ADSS1: variants seen among roughly 807,000 people sequenced by gnomAD.
The protein encoded by ADSS1 is adenylosuccinate synthase 1.
Under a neutral mutation model 59.1 loss-of-function variants are expected in ADSS1, and 57 were observed. The observed-to-expected ratio is 0.97, with a 90% confidence interval of 0.78 to 1.20. The LOEUF is 1.20. Ranked by LOEUF, ADSS1 falls within the 50% of genes most tolerant of loss-of-function variation. The pLI is 0.00. For missense variants in ADSS1, 603 were observed against 610.3 expected, an observed-to-expected ratio of 0.99 and a Z score of 0.13; for synonymous variants, 247 against 249.4, an observed-to-expected ratio of 0.99 and a Z score of 0.09.
intron 8 of ADSS1, 132 bp downstream of exon 8, chr14:104,741,375 C>A (rs1891349423): frequency 1.6e-6 from 2 of 1,229,600 alleles, no homozygotes; most frequent in African/African-American, 1.5e-5. Context: ...GCCATCCATG[C>A]CCGCGGAAAT....
At position 104,734,916 on chromosome 14, in the gene ADSS1, C is replaced by T. The variant is rs1891060239; in HGVS notation, c.193-104C>T. On this transcript the variant is annotated intron_variant, in intron 1 of 12. Coordinates refer to ENST00000330877, the MANE Select transcript of ADSS1 (RefSeq NM_152328.5). ...CCAAACCAGACACCCCAAAATCCAACAGCAGTGCCCTGCAGGGACAGACGA... is the reference window on the plus strand; with the variant it reads ...CCAAACCAGACACCCCAAAATCCAATAGCAGTGCCCTGCAGGGACAGACGA... The T allele has an allele frequency of 4.2e-6, 4 of 950,960 alleles. No individual in the cohort carries two copies. The South Asian group carries it at 6.0e-5, about 14-fold the overall frequency. The allele number at this position is 950,960 out of a possible 1,614,324, so 58.9% of individuals were successfully genotyped here. A position where few individuals can be genotyped will look rare whatever the true frequency, so the allele number is the denominator to read the frequency against.
In ADSS1 at chr14:104,743,162, A is replaced by C. The variant is rs1185318564; in HGVS notation, c.1044A>C (p.Arg348Ser). The part of the protein sequence containing the change: ...RCGWLDLMIL[R>S]YAHMVNGFTA... The stretch of plus-strand genomic sequence containing the variant: ...GCTGGCTCGACCTGATGATTCTAAG[A>C]TATGCTCACATGGTCAACGGATTCA... The change falls in exon 10 of 13, where the codon AGA (arginine) becomes AGC (serine). Residue 348 changes from arginine (R) to serine (S), a missense_variant. Physicochemically the swap from Arg to Ser is moderately radical, Grantham distance 110. Transcript: ENST00000330877. The C allele has an allele frequency of 1.2e-6, 2 of 1,612,074 alleles. No homozygotes were observed. Among genetic ancestry groups the C allele is most frequent in the Non-Finnish European group, 1.7e-6 (2 of 1,179,978 alleles).
intron 1 of ADSS1, among the ~76,000 whole-genome samples, chr14:104,732,631 C>T (rs1277617092): frequency 6.6e-6 from 1 of 152,254 alleles, no homozygotes; most frequent in African/African-American, 2.4e-5. Flanking sequence ...CAGGGCGTTC[C>T]TGGGCCTGTT....
chr14:104,734,034 G>C (rs1293805734), intron 1 of ADSS1, among the ~76,000 whole-genome samples: 1 of 152,244 alleles, frequency 6.6e-6, no homozygotes, highest in Non-Finnish European at 1.5e-5. Flanking sequence ...AGACCAAAAG[G>C]TGCTGTAGGG....
At position 104,739,832 on chromosome 14, in the gene ADSS1, C is replaced by T. The variant is rs1891272793; in HGVS notation, c.476+16C>T. On this transcript the variant is annotated intron_variant, in intron 5 of 12. Transcript: ENST00000330877. ...AGGGGAAGAAGTAAGTCTGCCGGGA[C>T]ACTCTCACCCTCGGGGAGTCTTCTG... is the stretch of plus-strand genomic sequence containing the variant. 1 of 1,613,562 alleles carries T rather than the reference C, an allele frequency of 6.2e-7. No homozygotes were observed.
intron 9 of ADSS1, 115 bp from the exon 10 acceptor site, chr14:104,742,952 C>A: frequency 1.4e-6 from 2 of 1,481,414 alleles, no homozygotes; most frequent in Non-Finnish European, 1.8e-6. Context: ...TCGGTGGAGG[C>A]GGGGCACCCT....
intron 4 of ADSS1, 68 bp from the exon 5 acceptor site, chr14:104,739,682 C>A: frequency 6.5e-7 from 1 of 1,546,348 alleles, no homozygotes; most frequent in South Asian, 1.1e-5. Flanking sequence ...GAGGTGAGGT[C>A]CATGTATACA....
intron 1 of ADSS1, chr14:104,730,344 TC>T (rs1380762850): frequency 9.4e-7 from 1 of 1,066,854 alleles, no homozygotes. Flanking sequence ...ACAAAAATTA[TC>T]TGGGCATGCT....
intron 1 of ADSS1, among the ~76,000 whole-genome samples, chr14:104,731,064 A>G (rs202083662): frequency 2.4e-5 from 1 of 42,112 alleles, no homozygotes; most frequent in African/African-American, 9.4e-5. Context: ...AGGCAGGTAG[A>G]GAGCGCCAGG....
In ADSS1 at chr14:104,746,235, G is replaced by C. The variant is rs1387031752; in HGVS notation, c.1172-1G>C. On this transcript the variant is annotated splice_acceptor_variant, in intron 11 of 12. Transcript: ENST00000330877. LOFTEE classifies it high-confidence loss of function. The stretch of plus-strand genomic sequence containing the variant: ...ACTCATCTCCTGTGTGCTTCCCCCA[G>C]CTAACCAGGAGATGCTTCAGAAGGT... The C allele has an allele frequency of 6.2e-7, 1 of 1,606,220 alleles. No homozygotes were observed. The highest frequency in any genetic ancestry group is 1.7e-5 in the Admixed American group (1 of 59,828).
intron 2 of ADSS1, among the ~76,000 whole-genome samples, chr14:104,735,878 C>T (rs1297690361): frequency 6.6e-6 from 1 of 152,232 alleles, no homozygotes; most frequent in African/African-American, 2.4e-5. Flanking sequence ...TTTCCTGATC[C>T]CAGTGGCCAA....
At chr14:104,724,569 G>C (rs1890666310) in intron 1 of ADSS1, 107 bp downstream of exon 1, 1 of 1,220,314 alleles carries the variant, frequency 8.2e-7, no homozygotes, top group Non-Finnish European at 1.0e-6. Context: ...TCACCCGCTT[G>C]GATGCCTTCC....
At position 104,724,276 on chromosome 14, in the gene ADSS1, G is replaced by C. The variant is rs1890654116; in HGVS notation, c.6G>C (p.Ser2=). The change falls in exon 1 of 13, where the codon TCG becomes TCC. Residue 2 remains serine (S), a synonymous_variant. Coordinates refer to ENST00000330877, the MANE Select transcript of ADSS1 (RefSeq NM_152328.5). M[S]GTRASNDRPP... is the part of the protein sequence containing the mutation. ...AGCGGAAGAGCCAAGCCAGCATGTC[G>C]GGGACCCGAGCCTCCAACGACCGGC... 2 of 1,229,516 alleles carry C rather than the reference G, an allele frequency of 1.6e-6. No homozygotes were observed. Among genetic ancestry groups the C allele is most frequent in the Non-Finnish European group, 2.0e-6 (2 of 985,074 alleles). The allele number at this position is 1,229,516 out of a possible 1,614,324, so 76.2% of individuals were successfully genotyped here. A position where few individuals can be genotyped will look rare whatever the true frequency, so the allele number is the denominator to read the frequency against.
rs3803307 is a variant in ADSS1 at position 104,740,797 on chromosome 14, A to G, written c.585-42A>G. ...AGTGGGGAGGGCCCTGAGGACCAGC[A>G]TGGACCATGACAGGGGGTGATGATG... On this transcript the variant is annotated intron_variant, in intron 6 of 12. Coordinates refer to ENST00000330877, the MANE Select transcript of ADSS1 (RefSeq NM_152328.5). The surrounding 1 kb of genome is among the most constrained non-coding windows in gnomAD (Gnocchi z 4.8). 0.49 allele frequency: 794,585 copies of G among 1,612,842 alleles called. 203,721 individuals carry two copies. The highest frequency in any genetic ancestry group is 0.83 in the African/African-American group (62,363 of 74,950).
At chr14:104,733,603 G>A (rs989964643) in intron 1 of ADSS1, among the ~76,000 whole-genome samples, 5 of 152,200 alleles carry the variant, frequency 3.3e-5, no homozygotes, top group Non-Finnish European at 5.9e-5. Flanking sequence ...GTGAGGGTGG[G>A]AGGGGAGCTG....
chr14:104,727,321 C>T (rs967108845), intron 1 of ADSS1, among the ~76,000 whole-genome samples: 1 of 152,056 alleles, frequency 6.6e-6, no homozygotes, highest in Non-Finnish European at 1.5e-5. Flanking sequence ...CACCTTCTGA[C>T]CACACCCCCA....
At position 104,741,778 on chromosome 14, in the gene ADSS1, G is replaced by C. The variant is rs1038201766; in HGVS notation, c.794-70G>C. ...CTGCCCACTGCCCTTTACTGAGAAGGCCTCTTGGGCCGGGTGGAATAATCT... is the reference window on the plus strand; with the variant it reads ...CTGCCCACTGCCCTTTACTGAGAAGCCCTCTTGGGCCGGGTGGAATAATCT... On this transcript the variant is annotated intron_variant, in intron 8 of 12. Transcript: ENST00000330877. 3.4e-5 allele frequency: 53 copies of C among 1,576,690 alleles called. 1 individual carries two copies. In the South Asian group the frequency reaches 6.2e-4, roughly 18 times the overall value.
In ADSS1 at chr14:104,739,351, CTCA is replaced by C. The variant is rs762661026; in HGVS notation, c.388_390del (p.Ile130del). 6.2e-7 allele frequency: 1 copy of C among 1,608,572 alleles called. No individual in the cohort carries two copies. The highest frequency in any genetic ancestry group is 1.1e-5 in the South Asian group (1 of 89,574). ...AGGCCTGAAGGACTGGGAGAAGAGG[CTCA>C]TCATCTCTGACAGAGCCCACCTTGG... On this transcript the variant is annotated inframe_deletion, in exon 4 of 13. Coordinates refer to ENST00000330877, the MANE Select transcript of ADSS1 (RefSeq NM_152328.5).
intron 1 of ADSS1, among the ~76,000 whole-genome samples, chr14:104,725,171 C>T (rs1372588040): frequency 6.6e-6 from 1 of 152,104 alleles, no homozygotes; most frequent in Admixed American, 6.5e-5. Context: ...CCCCAGGGCC[C>T]AGGGCTGGGC....
Sources: gnomAD v4.1 joint callset for allele counts (sites outside exome capture counted in the v4.1 genomes callset) on GRCh38, gnomAD v4.1.1 for gene constraint, Gnocchi (gnomAD v3.1) non-coding constraint, MANE v1.5 for transcripts, NCBI Gene and HGNC (gene_info 2026-07-23, HGNC 2026-07-21) for gene names.